The following LMTK3 variants were observed in gnomAD, a reference collection of about 807,000 sequenced individuals.
LMTK3 encodes lemur tail kinase 3.
In LMTK3, 27 loss-of-function variants were observed where a neutral mutation model predicts 116.7. The observed-to-expected ratio is 0.23, with a 90% CI of 0.17 to 0.32. LMTK3 has a LOEUF of 0.32. Among genes scored for constraint, LMTK3 ranks in the 10% least tolerant of loss-of-function variants. The pLI, the probability that LMTK3 is intolerant of heterozygous loss-of-function variation, is 1.00. For synonymous variants in LMTK3, 965 were observed against 971.0 expected (o/e 0.99, Z 0.11); for missense variants, 1,764 against 2,068.5 (o/e 0.85, Z 2.86).
chr19:48,497,718 C>T lies in LMTK3; in HGVS notation c.3351G>A (p.Val1117=). 1 of 1,335,702 alleles carries T rather than the reference C, an allele frequency of 7.5e-7. No individual in the cohort carries two copies. The allele number at this position is 1,335,702 out of a possible 1,614,324, so 82.7% of individuals were successfully genotyped here. A position where few individuals can be genotyped will look rare whatever the true frequency, so the allele number is the denominator to read the frequency against. The change falls in exon 11 of 15, where the codon GTG becomes GTA. Residue 1117 remains valine (V), a synonymous_variant. Transcript: ENST00000600059. The surrounding 1 kb of genome is among the most constrained non-coding windows in gnomAD (Gnocchi z 5.7). ...CGCCGCCGGGGGCCGTCCCCGTGCC[C>T]ACTGGGGCTCGGCCCCCACTCCCGA... The part of the protein sequence containing the change: ...LDLGSGGRAP[V]GTGTAPGGGP...
At chr19:48,509,575 AC>A in intron 3 of LMTK3, 62 bp from the exon 4 acceptor site, 2 of 1,383,332 alleles carry the variant, frequency 1.4e-6, no homozygotes, top group Non-Finnish European at 9.8e-7. Flanking sequence ...CTACCAACAC[AC>A]CCCAGGTCAG....
chr19:48,496,531 TCAGGTGATCCGCC>T (rs1203766446), intron 11 of LMTK3, among the ~76,000 whole-genome samples: 6 of 152,338 alleles, frequency 3.9e-5, no homozygotes, highest in South Asian at 2.1e-4. Flanking sequence ...ACTCCTGACC[TCAGGTGATCCGCC>T]CACCTCGGCC....
rs186911078 is a variant in LMTK3, at chr19:48,496,152, C to T, written c.3676+1241G>A. Among the ~76,000 whole-genome samples, 23 of 152,334 alleles carry T rather than the reference C, an allele frequency of 1.5e-4. No homozygotes were observed. The East Asian group carries it at 4.2e-3, about 28-fold the overall frequency. The stretch of plus-strand genomic sequence containing the variant: ...TGAGACAGAGTCTTGCTCTGTCACC[C>T]AGGCTGGAGTGCAGTGACGTGATCT... On this transcript the variant is annotated intron_variant, in intron 11 of 14. Transcript: ENST00000600059.
At position 48,499,404 on chromosome 19, in the gene LMTK3, G is replaced by T. The variant is rs1220487386; in HGVS notation, c.1665C>A (p.Asn555Lys). The T allele has an allele frequency of 1.4e-6, 2 of 1,449,786 alleles. No individual in the cohort carries two copies. Among genetic ancestry groups the T allele is most frequent in the Non-Finnish European group, 1.8e-6 (2 of 1,100,160 alleles). 89.8% of individuals were successfully genotyped at this position (1,449,786 alleles called of 1,614,324 possible). A position where few individuals can be genotyped will look rare whatever the true frequency, so the allele number is the denominator to read the frequency against. The change falls in exon 11 of 15, where the codon AAC becomes AAA. Residue 555 changes from asparagine (N) to lysine (K), a missense_variant. Around this residue, in one of 7 missense-constraint regions of LMTK3, gnomAD observed 1,028 missense variants for 1,050.6 expected, o/e 0.98. Transcript: ENST00000600059. ...HGSPPEPLFP[N>K]DWDPLDPGVP... Reference sequence around the variant, plus strand: ...CTCCTGGGTCCAGGGGGTCCCAGTCGTTGGGGAAGAGGGGCTCAGGAGGGG... The same window carrying T: ...CTCCTGGGTCCAGGGGGTCCCAGTCTTTGGGGAAGAGGGGCTCAGGAGGGG...
rs1014129782 is a variant in LMTK3 at position 48,499,720 on chromosome 19, G to A, written c.1349C>T (p.Pro450Leu). 71 of 1,529,590 alleles carry A rather than the reference G, an allele frequency of 4.6e-5. No homozygotes were observed. Among genetic ancestry groups the A allele is most frequent in the African/African-American group, 6.9e-5 (5 of 72,202 alleles). 94.8% of individuals were successfully genotyped at this position (1,529,590 alleles called of 1,614,324 possible). Residue 450 changes from proline to leucine, a missense_variant, in exon 11 of 15, where the codon CCG becomes CTG. Physicochemically the swap from Pro to Leu is moderately conservative, Grantham distance 98 (BLOSUM62 -3). This residue lies in a region of LMTK3 where 63 missense variants were observed against 65.0 expected (regional missense o/e 0.97). Coordinates refer to ENST00000600059, the MANE Select transcript of LMTK3 (RefSeq NM_001388485.1). ...AGGGAAGCCATCCAGTAGGGGGAAC[G>A]GTGAGGAGAGGGTCCCCGGGCGGGG... is the stretch of plus-strand genomic sequence containing the variant. ...SAPRPGTLSS[P>L]FPLLDGFPGA...
At chr19:48,513,326 T>C, upstream of LMTK3, 1 of 696,396 alleles carries the variant, frequency 1.4e-6, no homozygotes, top group Non-Finnish European at 2.6e-6. The surrounding 1 kb of genome is among the most constrained non-coding windows in gnomAD (Gnocchi z 5.6). Flanking sequence ...AGACAGGTAT[T>C]TTTTAATCAT....
Position 48,509,981 on chromosome 19 carries a change from C to T in LMTK3, c.361+42G>A, listed in dbSNP as rs756183312. 5.0e-6 allele frequency: 8 copies of T among 1,606,524 alleles called. No homozygotes were observed. In the East Asian group the frequency reaches 1.6e-4, roughly 31 times the overall value. On this transcript the variant is annotated intron_variant, in intron 3 of 14. Transcript: ENST00000600059. ...ACACACTCAACATCTTCTGGCCTTT[C>T]CCGGGACACCATGGGATGCTGGTCA...
chr19:48,486,763 TCCCAACCTC>T (rs1972131188), intron 14 of LMTK3, among the ~76,000 whole-genome samples: 1 of 151,818 alleles, frequency 6.6e-6, no homozygotes, highest in Admixed American at 6.6e-5. Context: ...GGTCTCAATC[TCCCAACCTC>T]GTGATCCACC....
intron 6 of LMTK3, 58 bp from the exon 7 acceptor site, chr19:48,502,639 G>T: frequency 4.0e-6 from 6 of 1,501,380 alleles, no homozygotes; most frequent in African/African-American, 1.4e-5. Flanking sequence ...CAGCTAGTCG[G>T]CCCGGAGGCT....
chr19:48,502,364 T>G, intron 7 of LMTK3, 69 bp downstream of exon 7: 17 of 850,660 alleles, frequency 2.0e-5, no homozygotes, highest in Non-Finnish European at 2.8e-5. Flanking sequence ...CTCTAGCCCC[T>G]CCCCTGAGGC....
Position 48,499,129 on chromosome 19 carries a change from C to T in LMTK3, c.1940G>A (p.Gly647Asp). The part of the protein sequence containing the change: ...WVEEEEEEEE[G>D]SSPGEDSSSL... ...GCTGCTGTCTTCCCCTGGGGAGCTG[C>T]CCTCCTCCTCCTCCTCTTCTTCTTC... The change falls in exon 11 of 15, where the codon GGC (glycine) becomes GAC (aspartate). Residue 647 changes from glycine to aspartate, a missense_variant. Physicochemically the swap from Gly to Asp is moderately conservative, Grantham distance 94. Around this residue, in one of 7 missense-constraint regions of LMTK3, gnomAD observed 1,028 missense variants for 1,050.6 expected, o/e 0.98. Transcript: ENST00000600059. 6.4e-7 allele frequency: 1 copy of T among 1,550,616 alleles called. No homozygotes were observed. Among genetic ancestry groups the T allele is most frequent in the Non-Finnish European group, 8.7e-7 (1 of 1,152,900 alleles).
Position 48,500,494 on chromosome 19 carries a change from G to A in LMTK3, c.1151+502C>T, listed in dbSNP as rs35641668. On this transcript the variant is annotated intron_variant, in intron 10 of 14. Coordinates refer to ENST00000600059, the MANE Select transcript of LMTK3 (RefSeq NM_001388485.1). The surrounding 1 kb of genome is among the most constrained non-coding windows in gnomAD (Gnocchi z 4.0). ...ACAGAGACCCAGAGAGAGGGGGACA[G>A]AGACCTAGAGAGAGAGGGAAACATA... Among the ~76,000 whole-genome samples the A allele has an allele frequency of 0.19, 28,657 of 151,984 alleles. 3,247 individuals carry two copies. The highest frequency in any genetic ancestry group is 0.33 in the South Asian group (1,606 of 4,808).
In LMTK3 at chr19:48,511,696, G is replaced by C. The variant is rs1972666970; in HGVS notation, c.-120C>G. On this transcript the variant is annotated 5_prime_UTR_variant, in exon 1 of 15. Coordinates refer to ENST00000600059, the MANE Select transcript of LMTK3 (RefSeq NM_001388485.1). ...TGGCCTCCTCCCGGCCCAGGAGAGG[G>C]GCAGGAGACGCAGGACAGGGGGAGG... 2.1e-6 allele frequency: 1 copy of C among 485,810 alleles called. No individual in the cohort carries two copies. The highest frequency in any genetic ancestry group is 3.9e-5 in the Admixed American group (1 of 25,480). The allele number at this position is 485,810 out of a possible 1,614,324, so 30.1% of individuals were successfully genotyped here.
chr19:48,512,156 G>A (rs929884528), upstream of LMTK3, among the ~76,000 whole-genome samples: 1 of 152,002 alleles, frequency 6.6e-6, no homozygotes, highest in Non-Finnish European at 1.5e-5. Flanking sequence ...TGTCAGGCAC[G>A]CGCAGCCCAC....
rs1972356053 is a variant in LMTK3, at chr19:48,497,656, A to G, written c.3413T>C (p.Val1138Ala). 1.5e-6 allele frequency: 2 copies of G among 1,303,042 alleles called. No individual in the cohort carries two copies. Among genetic ancestry groups the G allele is most frequent in the Non-Finnish European group, 1.9e-6 (2 of 1,028,894 alleles). 80.7% of individuals were successfully genotyped at this position (1,303,042 alleles called of 1,614,324 possible). A position where few individuals can be genotyped will look rare whatever the true frequency, so the allele number is the denominator to read the frequency against. The change falls in exon 11 of 15, where the codon GTA (valine) becomes GCA (alanine). Residue 1138 changes from valine (V) to alanine (A), a missense_variant. Physicochemically the swap from Val to Ala is moderately conservative, Grantham distance 64. Around this residue, in one of 7 missense-constraint regions of LMTK3, gnomAD observed 1,028 missense variants for 1,050.6 expected, o/e 0.98. Coordinates refer to ENST00000600059, the MANE Select transcript of LMTK3 (RefSeq NM_001388485.1). This position sits in a 1 kb window ranked among gnomAD's most constrained non-coding sequence, Gnocchi z 5.7. ...GSGVDAKAGW[V>A]DNTRPQPPPP... ...CGGTGGCTGCGGCCTCGTGTTGTCT[A>G]CCCATCCGGCCTTTGCGTCCACGCC... is the stretch of plus-strand genomic sequence containing the variant.
intron 5 of LMTK3, among the ~76,000 whole-genome samples, chr19:48,507,408 G>C (rs1324565618): frequency 1.3e-5 from 2 of 152,164 alleles, no homozygotes; most frequent in Non-Finnish European, 2.9e-5. Context: ...TTGTGCTCGG[G>C]TAACGAGACA....
intron 14 of LMTK3, 25 bp from the exon 15 acceptor site, chr19:48,485,814 G>A: frequency 6.2e-7 from 1 of 1,602,654 alleles, no homozygotes; most frequent in Non-Finnish European, 8.5e-7. Flanking sequence ...AGGAGACAGA[G>A]AAATGAAATT....
intron 14 of LMTK3, among the ~76,000 whole-genome samples, chr19:48,488,402 G>C (rs1972161278): frequency 6.6e-6 from 1 of 151,898 alleles, no homozygotes. Context: ...CAGCCTCCCA[G>C]CTCCCACTCT....
Position 48,499,476 on chromosome 19 carries a change from G to T in LMTK3, c.1593C>A (p.Ser531Arg). Residue 531 changes from serine (S) to arginine (R), a missense_variant, in exon 11 of 15, where the codon AGC becomes AGA. Physicochemically the swap from Ser to Arg is moderately radical, Grantham distance 110 (BLOSUM62 -1). This residue lies in a region of LMTK3 where 1,028 missense variants were observed against 1,050.6 expected (regional missense o/e 0.98). Transcript: ENST00000600059. ...PSVLPVISAR[S>R]PSVSSEYYIR... ...TGTAGTACTCGCTGCTCACGGAGGG[G>T]CTGCGGGCGCTGATGACAGGCAGCA... The T allele has an allele frequency of 6.8e-7, 1 of 1,473,652 alleles. No individual in the cohort carries two copies. Among genetic ancestry groups the T allele is most frequent in the African/African-American group, 1.4e-5 (1 of 69,808 alleles). 91.3% of individuals were successfully genotyped at this position (1,473,652 alleles called of 1,614,324 possible).
Sources: allele counts gnomAD v4.1 joint callset (sites outside exome capture counted in the v4.1 genomes callset), GRCh38; gene constraint gnomAD v4.1.1; regional missense constraint gnomAD v4.1.1; non-coding constraint Gnocchi (gnomAD v3.1); transcripts MANE v1.5; gene names NCBI Gene and HGNC (gene_info 2026-07-23, HGNC 2026-07-21).